The following OR2V2 variants were observed in gnomAD, a reference collection of about 807,000 sequenced individuals.
OR2V2 encodes the protein olfactory receptor 2V2.
For synonymous variants in OR2V2, 161 were observed against 151.3 expected, an observed-to-expected ratio of 1.06 and a Z score of -0.47; for missense variants, 392 against 392.2, an observed-to-expected ratio of 1.00 and a Z score of 0.00.
intron 1 of OR2V2, among the ~76,000 whole-genome samples, chr5:181,149,523 C>T (rs539721970): frequency 2.0e-5 from 3 of 152,168 alleles, no homozygotes; most frequent in South Asian, 2.1e-4. Flanking sequence ...GAAGCCATCC[C>T]GGATAGGGAG....
chr5:181,152,854 C>T (rs561744314), intron 1 of OR2V2, among the ~76,000 whole-genome samples: 5 of 152,202 alleles, frequency 3.3e-5, no homozygotes, highest in Non-Finnish European at 2.9e-5. Context: ...GGCCTCAGGC[C>T]GGAGGCACCC....
chr5:181,147,998 G>A lies in OR2V2; in HGVS notation c.-25+3G>A, dbSNP rs1377859496. ...CCCCTGCAGGGACCCACCCACAGGT[G>A]AGTGAGGGTCTTGTCCTGTCGTCCC... On this transcript the variant is annotated splice_donor_region_variant and intron_variant, in intron 1 of 1. Coordinates refer to ENST00000641492, the MANE Select transcript of OR2V2 (RefSeq NM_206880.2). 3 of 398,482 alleles carry A rather than the reference G, an allele frequency of 7.5e-6. No individual in the cohort carries two copies. In the East Asian group the frequency reaches 1.1e-4, roughly 14 times the overall value. 24.7% of individuals were successfully genotyped at this position (398,482 alleles called of 1,614,324 possible).
chr5:181,155,923 T>C lies in OR2V2; in HGVS notation c.*33T>C. 1 of 1,568,474 alleles carries C rather than the reference T, an allele frequency of 6.4e-7. No individual in the cohort carries two copies. Among genetic ancestry groups the C allele is most frequent in the Non-Finnish European group, 8.7e-7 (1 of 1,147,290 alleles). ...GCATCCAGTGCCTGGCTCTGCCATC[T>C]CTTAGCTCCAGGGATGTCGGGTTAA... On this transcript the variant is annotated 3_prime_UTR_variant, in exon 2 of 2. Transcript: ENST00000641492.
chr5:181,153,242 T>C (rs1763214025), intron 1 of OR2V2, among the ~76,000 whole-genome samples: 1 of 152,230 alleles, frequency 6.6e-6, no homozygotes, highest in Admixed American at 6.5e-5. Context: ...TTGTTTATAA[T>C]GATCTGTTCT....
At chr5:181,148,640 C>T (rs976827249) in intron 1 of OR2V2, among the ~76,000 whole-genome samples, 1 of 152,084 alleles carries the variant, frequency 6.6e-6, no homozygotes, top group Non-Finnish European at 1.5e-5. Flanking sequence ...GGGATCCCCC[C>T]ACGAGCACCA....
rs1763256213 is a variant in OR2V2, at chr5:181,155,748, C to T, written c.806C>T (p.Pro269Leu). ...IYLRPRHYRAPSHDKVASIFY... is the reference protein window; with the variant it reads ...IYLRPRHYRALSHDKVASIFY... ...CTGAGGCCTAGGCACTACCGGGCCC[C>T]CAGCCATGACAAGGTGGCCTCTATC... Residue 269 changes from proline (P) to leucine (L), a missense_variant, in exon 2 of 2, where the codon CCC (proline) becomes CTC (leucine). By Grantham distance (98) the Pro-to-Leu change is moderately conservative. Coordinates refer to ENST00000641492, the MANE Select transcript of OR2V2 (RefSeq NM_206880.2). 6 of 1,614,062 alleles carry T rather than the reference C, an allele frequency of 3.7e-6. No homozygotes were observed. The highest frequency in any genetic ancestry group is 4.2e-6 in the Non-Finnish European group (5 of 1,180,052).
Position 181,155,648 on chromosome 5 carries a change from A to G in OR2V2, c.706A>G (p.Lys236Glu). The change falls in exon 2 of 2, where the codon AAA (lysine) becomes GAA (glutamate). Residue 236 changes from lysine to glutamate, a missense_variant. Transcript: ENST00000641492. ...VLQMHSAQAWKKALATCSSHL... is the reference protein window; with the variant it reads ...VLQMHSAQAWEKALATCSSHL... ...GCAAATGCACTCTGCTCAGGCCTGG[A>G]AAAAGGCCCTGGCCACCTGCTCCTC... 6.2e-7 allele frequency: 1 copy of G among 1,614,090 alleles called. No individual in the cohort carries two copies. Among genetic ancestry groups the G allele is most frequent in the Non-Finnish European group, 8.5e-7 (1 of 1,179,954 alleles).
At position 181,155,443 on chromosome 5, in the gene OR2V2, C is replaced by G; in HGVS notation, c.501C>G (p.Phe167Leu). ...TCCAGATGGTGGTAGTAATGAATTT[C>G]CCCTACTGTGGCTTGAGGAAGGTGA... is the stretch of plus-strand genomic sequence containing the variant. ...GLIQMVVVMNFPYCGLRKVNH... is the reference protein window; with the variant it reads ...GLIQMVVVMNLPYCGLRKVNH... The change falls in exon 2 of 2, where the codon TTC becomes TTG. Residue 167 changes from phenylalanine to leucine, a missense_variant. Physicochemically the swap from Phe to Leu is conservative, Grantham distance 22. Transcript: ENST00000641492. The G allele has an allele frequency of 6.2e-7, 1 of 1,614,202 alleles. No homozygotes were observed.
At chr5:181,151,108 T>TG (rs1763186019) in intron 1 of OR2V2, among the ~76,000 whole-genome samples, 1 of 151,814 alleles carries the variant, frequency 6.6e-6, no homozygotes, top group Non-Finnish European at 1.5e-5. Context: ...AGAAGACACG[T>TG]GGGGGAGACC....
At position 181,155,898 on chromosome 5, in the gene OR2V2, G is replaced by A. The variant is rs756698528; in HGVS notation, c.*8G>A. On this transcript the variant is annotated 3_prime_UTR_variant, in exon 2 of 2. Coordinates refer to ENST00000641492, the MANE Select transcript of OR2V2 (RefSeq NM_206880.2). ...ATCGGCAGCCAGCACTGAACCCAGG[G>A]CATCCAGTGCCTGGCTCTGCCATCT... The A allele has an allele frequency of 1.9e-6, 3 of 1,603,274 alleles. No individual in the cohort carries two copies. Among genetic ancestry groups the A allele is most frequent in the African/African-American group, 1.3e-5 (1 of 74,816 alleles).
intron 1 of OR2V2, among the ~76,000 whole-genome samples, chr5:181,149,664 A>G (rs1275724984): frequency 1.3e-5 from 2 of 152,202 alleles, no homozygotes; most frequent in Admixed American, 6.5e-5. Context: ...CGCGGAGGAC[A>G]CAGCTATGTC....
At chr5:181,154,242 A>G (rs1359905338) in intron 1 of OR2V2, among the ~76,000 whole-genome samples, 1 of 152,132 alleles carries the variant, frequency 6.6e-6, no homozygotes, top group Non-Finnish European at 1.5e-5. Flanking sequence ...TGGGAATGAA[A>G]TGGTCCCGGC....
rs1378260865 is a variant in OR2V2, at chr5:181,155,845, A to C, written c.903A>C (p.Ala301=). 3.1e-6 allele frequency: 5 copies of C among 1,614,152 alleles called. No homozygotes were observed. The highest frequency in any genetic ancestry group is 4.2e-6 in the Non-Finnish European group (5 of 1,180,014). ...TGAGGAACAGGGAGGTGATGGGGGC[A>C]CTGAGGAAGGGGCTGGACCGCTGCA... The part of the protein sequence containing the change: ...YSLRNREVMG[A]LRKGLDRCRI... Residue 301 remains alanine (A), a synonymous_variant, in exon 2 of 2, where the codon GCA becomes GCC. Transcript: ENST00000641492.
At chr5:181,152,837 C>T (rs1300318007) in intron 1 of OR2V2, among the ~76,000 whole-genome samples, 1 of 152,240 alleles carries the variant, frequency 6.6e-6, no homozygotes, top group African/African-American at 2.4e-5. Context: ...ACCAGAGCCT[C>T]AGGAGAGGCC....
At position 181,156,477 on chromosome 5, in the gene OR2V2, C is replaced by T. The variant is rs181377030; in HGVS notation, c.*587C>T. On this transcript the variant is annotated 3_prime_UTR_variant, in exon 2 of 2. Transcript: ENST00000641492. ...AATCTTTTGTGTACTAATTATTTTA[C>T]ACTATACATTGAAAATGAATATAGG... The T allele has an allele frequency of 6.6e-6, 1 of 152,562 alleles. No homozygotes were observed. Among genetic ancestry groups the T allele is most frequent in the Admixed American group, 6.5e-5 (1 of 15,314 alleles). The allele number at this position is 152,562 out of a possible 1,614,324, so 9.5% of individuals were successfully genotyped here. A position where few individuals can be genotyped will look rare whatever the true frequency, so the allele number is the denominator to read the frequency against.
chr5:181,153,697 A>G (rs959835228), intron 1 of OR2V2, among the ~76,000 whole-genome samples: 3 of 152,198 alleles, frequency 2.0e-5, no homozygotes, highest in Non-Finnish European at 4.4e-5. Flanking sequence ...AAAACACAAA[A>G]TAATTCTTGG....
At position 181,155,252 on chromosome 5, in the gene OR2V2, C is replaced by T. The variant is rs1452319927; in HGVS notation, c.310C>T (p.Leu104Phe). The T allele has an allele frequency of 3.7e-6, 6 of 1,612,096 alleles. No individual in the cohort carries two copies. In the African/African-American group the frequency reaches 5.4e-5, roughly 15 times the overall value. ...TGTGGGCTGTGGCATACAAATTGGC[C>T]TCTTTGTCTGTCTTGTGGGATCTGA... ...SFVGCGIQIG[L>F]FVCLVGSEGL... The change falls in exon 2 of 2, where the codon CTC (leucine) becomes TTC (phenylalanine). Residue 104 changes from leucine (L) to phenylalanine (F), a missense_variant. Leu to Phe is a conservative substitution (Grantham distance 22, BLOSUM62 0). Transcript: ENST00000641492.
rs140649001 is a variant in OR2V2 at position 181,156,086 on chromosome 5, C to T, written c.*196C>T. ...TCTTTCTTTCTTTTGTTCTTTCTTT[C>T]GTTCTTTCTTTCTCTTCCTCTTTCT... On this transcript the variant is annotated 3_prime_UTR_variant, in exon 2 of 2. Coordinates refer to ENST00000641492, the MANE Select transcript of OR2V2 (RefSeq NM_206880.2). 1.5e-3 allele frequency: 679 copies of T among 449,536 alleles called. 2 individuals are homozygous for T. The highest frequency in any genetic ancestry group is 2.0e-3 in the Non-Finnish European group (529 of 259,278). The allele number at this position is 449,536 out of a possible 1,614,324, so 27.8% of individuals were successfully genotyped here.
In OR2V2 at chr5:181,158,107, AT is replaced by A. The variant is rs1289517276; in HGVS notation, c.*2219del. 6.6e-6 allele frequency: 1 copy of A among 152,222 alleles called. No homozygotes were observed. The highest frequency in any genetic ancestry group is 1.5e-5 in the Non-Finnish European group (1 of 68,052). The allele number at this position is 152,222 out of a possible 1,614,324, so 9.4% of individuals were successfully genotyped here. ...TCCCGCACAAGGACCAGGGAATTCCATTGAAAATTATCTACTGAACGCCACT... is the reference window on the plus strand; with the variant it reads ...TCCCGCACAAGGACCAGGGAATTCCATGAAAATTATCTACTGAACGCCACT... On this transcript the variant is annotated 3_prime_UTR_variant, in exon 2 of 2. Coordinates refer to ENST00000641492, the MANE Select transcript of OR2V2 (RefSeq NM_206880.2).
Sources: gnomAD v4.1 joint callset for allele counts (sites outside exome capture counted in the v4.1 genomes callset) on GRCh38, gnomAD v4.1.1 for gene constraint, MANE v1.5 for transcripts, NCBI Gene and HGNC (gene_info 2026-07-23, HGNC 2026-07-21) for gene names.